Variants in PCDH15 observed in about 807,000 individuals in gnomAD.
PCDH15 encodes the protein protocadherin-15.
PCDH15 carries 129 observed loss-of-function variants against 178.5 expected under a neutral mutation model. The ratio of observed to expected loss-of-function variants is 0.72; its 90% CI spans 0.63 to 0.84. PCDH15 has a LOEUF of 0.84. PCDH15 is among the 40% of genes least tolerant of loss of function. The pLI, the probability that PCDH15 is intolerant of heterozygous loss-of-function variation, is 0.00. For synonymous variants in PCDH15, 800 were observed against 732.0 expected (o/e 1.09, Z -1.50); for missense variants, 2,230 against 2,099.9 (o/e 1.06, Z -1.21).
chr10:55,116,555 A>G (rs1837633419), intron 2 of PCDH15, among the ~76,000 whole-genome samples: 1 of 152,154 alleles, frequency 6.6e-6, no homozygotes, highest in Non-Finnish European at 1.5e-5. Flanking sequence ...TCAAGATGAT[A>G]AGGCACAAAA....
chr10:54,136,292 A>G (rs2042894020), intron 14 of PCDH15, among the ~76,000 whole-genome samples: 1 of 152,176 alleles, frequency 6.6e-6, no homozygotes, highest in Non-Finnish European at 1.5e-5. Flanking sequence ...AAAGTACAAT[A>G]TGTAGACTCA....
chr10:54,344,436 A>G (rs934861364), intron 6 of PCDH15, among the ~76,000 whole-genome samples: 1 of 152,194 alleles, frequency 6.6e-6, no homozygotes, highest in Admixed American at 6.5e-5. Flanking sequence ...TTAACTGTCT[A>G]CATTTTAAGC....
At chr10:54,380,525 A>G (rs1949043120) in intron 3 of PCDH15, among the ~76,000 whole-genome samples, 1 of 149,796 alleles carries the variant, frequency 6.7e-6, no homozygotes, top group African/African-American at 2.5e-5. Flanking sequence ...AAGGGAATTT[A>G]TTTTCTCATC....
intron 2 of PCDH15, among the ~76,000 whole-genome samples, chr10:55,012,770 T>G (rs1370050936): frequency 2.0e-5 from 3 of 152,078 alleles, no homozygotes; most frequent in Non-Finnish European, 4.4e-5. Flanking sequence ...TTTTAACATA[T>G]GTCAGGACAG....
chr10:54,788,296 AG>A (rs1951080678), intron 1 of PCDH15, among the ~76,000 whole-genome samples: 1 of 151,926 alleles, frequency 6.6e-6, no homozygotes, highest in Non-Finnish European at 1.5e-5. Context: ...GAGGTTAGGA[AG>A]CAGGGATGGA....
At chr10:54,922,705 T>G (rs749401640) in intron 2 of PCDH15, among the ~76,000 whole-genome samples, 10 of 152,124 alleles carry the variant, frequency 6.6e-5, no homozygotes, top group Non-Finnish European at 1.5e-4. Flanking sequence ...CACAATCTTC[T>G]TTCTCACATC....
At chr10:53,994,157 C>T (rs1324056084) in intron 21 of PCDH15, among the ~76,000 whole-genome samples, 4 of 152,110 alleles carry the variant, frequency 2.6e-5, no homozygotes, top group Admixed American at 1.3e-4. Flanking sequence ...TTGGTGGATG[C>T]GCTCTGAATG....
intron 14 of PCDH15, among the ~76,000 whole-genome samples, chr10:54,148,963 A>G (rs2044249963): frequency 6.6e-6 from 1 of 152,066 alleles, no homozygotes; most frequent in South Asian, 2.1e-4. Flanking sequence ...AGTTTCTTAT[A>G]AAAGAAAATT....
At chr10:54,388,851 T>C (rs1950214274) in intron 3 of PCDH15, among the ~76,000 whole-genome samples, 1 of 152,208 alleles carries the variant, frequency 6.6e-6, no homozygotes, top group Non-Finnish European at 1.5e-5. Context: ...TTTATCCATA[T>C]AAGGACCCTC....
intron 26 of PCDH15, among the ~76,000 whole-genome samples, chr10:53,872,032 A>T (rs1158579906): frequency 6.6e-6 from 1 of 152,054 alleles, no homozygotes; most frequent in Non-Finnish European, 1.5e-5. Flanking sequence ...TTTTGAAGCA[A>T]TTTTGCAAAA....
At chr10:55,015,183 C>T (rs955736850) in intron 2 of PCDH15, among the ~76,000 whole-genome samples, 1 of 151,924 alleles carries the variant, frequency 6.6e-6, no homozygotes, top group African/African-American at 2.4e-5. Context: ...GAGCCAAGAT[C>T]CCACCACATT....
chr10:54,424,292 C>A (rs1317433073), intron 3 of PCDH15, among the ~76,000 whole-genome samples: 2 of 151,802 alleles, frequency 1.3e-5, no homozygotes, highest in Non-Finnish European at 2.9e-5. Flanking sequence ...AGAAATGCAA[C>A]TCAAAACCAC....
At chr10:53,836,427 T>C (rs1431378177) in intron 29 of PCDH15, among the ~76,000 whole-genome samples, 1 of 152,074 alleles carries the variant, frequency 6.6e-6, no homozygotes, top group African/African-American at 2.4e-5. Flanking sequence ...GATCAGAGTG[T>C]GGGCAGAAAC....
intron 2 of PCDH15, among the ~76,000 whole-genome samples, chr10:55,126,087 T>C (rs1450674541): frequency 6.6e-6 from 1 of 152,064 alleles, no homozygotes; most frequent in Admixed American, 6.6e-5. Flanking sequence ...TTCCCCCATA[T>C]GGCAAAACTC....
chr10:54,003,920 G>A (rs374447233), intron 20 of PCDH15, among the ~76,000 whole-genome samples: 42 of 151,876 alleles, frequency 2.8e-4, no homozygotes, highest in African/African-American at 9.9e-4. Context: ...ATTCAACATC[G>A]TATTTAAAAG....
chr10:54,943,192 C>G (rs572078006), intron 2 of PCDH15, among the ~76,000 whole-genome samples: 2 of 152,042 alleles, frequency 1.3e-5, no homozygotes, highest in South Asian at 4.1e-4. Flanking sequence ...TTTCTAGAGA[C>G]TCTAGAGGAG....
rs577316245 is a variant in PCDH15, at chr10:54,857,975, C to T, written c.-29+39475G>A. ...ATTTGAAATTCATTCTCAGCAATTT[C>T]GAAATGTACAACGCATTATTACTAA... is the stretch of plus-strand genomic sequence containing the variant. On this transcript the variant is annotated intron_variant, in intron 3 of 5. Transcript: ENST00000458638. 4.7e-5 allele frequency among the ~76,000 whole-genome samples: 7 copies of T among 150,094 alleles called. No individual in the cohort carries two copies. In the East Asian group the frequency reaches 5.9e-4, roughly 13 times the overall value.
rs532169435 is a variant in PCDH15 at position 54,358,883 on chromosome 10, T to C, written c.474+10237A>G. 1.2e-4 allele frequency among the ~76,000 whole-genome samples: 18 copies of C among 151,534 alleles called. No individual in the cohort carries two copies. The South Asian group carries it at 3.1e-3, about 26-fold the overall frequency. ...GTAGGGACATGGATGAAACTGGAAA[T>C]CATCATTCTCAGTAAACTATTGCAA... On this transcript the variant is annotated intron_variant, in intron 5 of 37. Transcript: ENST00000644397.
At chr10:54,214,736 G>A (rs1472639921) in intron 9 of PCDH15, among the ~76,000 whole-genome samples, 5 of 152,060 alleles carry the variant, frequency 3.3e-5, no homozygotes, top group Non-Finnish European at 4.4e-5. Context: ...GATTATAGGC[G>A]TGTGCCACCA....
Sources: gnomAD v4.1 joint callset for allele counts (sites outside exome capture counted in the v4.1 genomes callset) on GRCh38, gnomAD v4.1.1 for gene constraint, MANE v1.5 for transcripts, NCBI Gene and HGNC (gene_info 2026-07-23, HGNC 2026-07-21) for gene names.